The following IGF2BP3 variants were observed in gnomAD, a reference collection of about 807,000 sequenced individuals.
IGF2BP3 encodes the protein insulin like growth factor 2 mRNA binding protein 3, also known as insulin-like growth factor 2 mRNA-binding protein 3.
A neutral mutation model predicts 73.8 loss-of-function variants in IGF2BP3; 9 were observed. The observed-to-expected ratio is 0.12, with a 90% CI of 0.07 to 0.21. The LOEUF (loss-of-function observed/expected upper bound fraction) is 0.21. Among genes scored for constraint, IGF2BP3 ranks in the 10% least tolerant of loss-of-function variants. The probability of loss-of-function intolerance (pLI) is 1.00; values close to 1 mark genes in which losing one functional copy is unlikely to be tolerated. For missense variants in IGF2BP3, 542 were observed against 714.0 expected (o/e 0.76, Z 2.75); for synonymous variants, 258 against 256.7 (o/e 1.01, Z -0.05).
At chr7:23,456,876 C>T (rs972611451) in intron 2 of IGF2BP3, among the ~76,000 whole-genome samples, 1 of 152,008 alleles carries the variant, frequency 6.6e-6, no homozygotes, top group African/African-American at 2.4e-5. Flanking sequence ...ATGGTGAACC[C>T]CGTCTCTACT....
At chr7:23,321,052 T>C (rs1010060955) in intron 10 of IGF2BP3, among the ~76,000 whole-genome samples, 1 of 152,008 alleles carries the variant, frequency 6.6e-6, no homozygotes, top group African/African-American at 2.4e-5. Context: ...AGAAGATATT[T>C]TGTCGGGAGG....
In IGF2BP3 at chr7:23,418,315, G is replaced by A. The variant is rs145358602; in HGVS notation, c.285+461C>T. On this transcript the variant is annotated intron_variant, in intron 3 of 14. Transcript: ENST00000258729. ...AACTGCTGACACAGGCTATTCAATT[G>A]TGCTAAATAGTTTGTGTTTATGCAT... Among the ~76,000 whole-genome samples, 27 of 152,240 alleles carry A rather than the reference G, an allele frequency of 1.8e-4. No individual in the cohort carries two copies. In the East Asian group the frequency reaches 5.0e-3, roughly 28 times the overall value.
chr7:23,320,547 A>C (rs1784108798), intron 10 of IGF2BP3, among the ~76,000 whole-genome samples: 1 of 152,082 alleles, frequency 6.6e-6, no homozygotes, highest in African/African-American at 2.4e-5. Flanking sequence ...ATAGTGAGAA[A>C]AACACTTCCA....
intron 10 of IGF2BP3, among the ~76,000 whole-genome samples, chr7:23,322,343 A>G (rs1405804434): frequency 6.6e-6 from 1 of 152,240 alleles, no homozygotes; most frequent in Non-Finnish European, 1.5e-5. Context: ...GAAGTGAATG[A>G]AATGAAGCAA....
intron 3 of IGF2BP3, among the ~76,000 whole-genome samples, chr7:23,384,202 A>G (rs1416038080): frequency 6.6e-6 from 1 of 152,074 alleles, no homozygotes; most frequent in African/African-American, 2.4e-5. Context: ...AAAAGACCAC[A>G]TATTATATGA....
intron 10 of IGF2BP3, among the ~76,000 whole-genome samples, chr7:23,322,729 G>C (rs1304774618): frequency 1.3e-5 from 2 of 152,186 alleles, no homozygotes; most frequent in African/African-American, 4.8e-5. Context: ...TCTCTCAGCA[G>C]AAACTCTACA....
intron 3 of IGF2BP3, chr7:23,402,187 T>C (rs1413621456): frequency 6.6e-6 from 1 of 152,202 alleles, no homozygotes; most frequent in Admixed American, 6.5e-5. Flanking sequence ...CTCAGAGATA[T>C]TTTTAGACTT....
intron 10 of IGF2BP3, among the ~76,000 whole-genome samples, chr7:23,322,413 G>T (rs1784182204): frequency 2.0e-5 from 3 of 152,138 alleles, no homozygotes; most frequent in Admixed American, 2.0e-4. Context: ...AAGAAATATG[G>T]GACTATGTGA....
chr7:23,351,760 C>T (rs985395231), intron 5 of IGF2BP3, among the ~76,000 whole-genome samples, 174 bp from the exon 6 acceptor site: 3 of 152,068 alleles, frequency 2.0e-5, no homozygotes, highest in African/African-American at 7.2e-5. Flanking sequence ...TCCCACCCCG[C>T]ACCACCACCA....
At chr7:23,402,144 G>C (rs1308012863) in intron 3 of IGF2BP3, 2 of 152,014 alleles carry the variant, frequency 1.3e-5, no homozygotes, top group Non-Finnish European at 2.9e-5. Flanking sequence ...AAGAAATGCA[G>C]TCTAAGTCCA....
rs545228893 is a variant in IGF2BP3 at position 23,334,447 on chromosome 7, G to T, written c.1203+7617C>A. Among the ~76,000 whole-genome samples, 8 of 152,370 alleles carry T rather than the reference G, an allele frequency of 5.3e-5. No homozygotes were observed. In the East Asian group the frequency reaches 1.5e-3, roughly 29 times the overall value. Reference sequence around the variant, plus strand: ...TTTAAATTTTTACTTGCAAAACTCAGCAGGCAGAGCAAAAGTTATAAGCCT... The same window carrying T: ...TTTAAATTTTTACTTGCAAAACTCATCAGGCAGAGCAAAAGTTATAAGCCT... On this transcript the variant is annotated intron_variant, in intron 10 of 14. Coordinates refer to ENST00000258729, the MANE Select transcript of IGF2BP3 (RefSeq NM_006547.3).
At chr7:23,317,575 C>A in intron 12 of IGF2BP3, 64 bp downstream of exon 12, 1 of 1,229,494 alleles carries the variant, frequency 8.1e-7, no homozygotes, top group Non-Finnish European at 1.2e-6. Flanking sequence ...AAGGGAGACG[C>A]CAGGTTATGG....
intron 2 of IGF2BP3, among the ~76,000 whole-genome samples, chr7:23,439,096 A>T (rs1787870375): frequency 6.6e-6 from 1 of 152,082 alleles, no homozygotes; most frequent in African/African-American, 2.4e-5. Context: ...TTTTAAAACT[A>T]GCTGGGCACA....
intron 3 of IGF2BP3, among the ~76,000 whole-genome samples, chr7:23,415,877 C>T (rs190305740): frequency 4.6e-4 from 70 of 152,210 alleles, no homozygotes; most frequent in African/African-American, 9.4e-4. Context: ...GGTGAAATAC[C>T]GAGTATGTTA....
chr7:23,340,551 A>G (rs562047700), intron 10 of IGF2BP3, among the ~76,000 whole-genome samples: 2 of 152,194 alleles, frequency 1.3e-5, no homozygotes, highest in East Asian at 3.9e-4. Flanking sequence ...CCACCTGGAC[A>G]TTTCCCCAAA....
At chr7:23,365,265 A>G (rs1785341071) in intron 3 of IGF2BP3, among the ~76,000 whole-genome samples, 1 of 152,240 alleles carries the variant, frequency 6.6e-6, no homozygotes, top group Non-Finnish European at 1.5e-5. Flanking sequence ...GGGAGTAGGA[A>G]GTAATTGCCA....
chr7:23,343,865 AAAAGAAGGG>A lies in IGF2BP3; in HGVS notation c.942-21_942-13del. On this transcript the variant is annotated splice_polypyrimidine_tract_variant and intron_variant, in intron 8 of 14. Transcript: ENST00000258729. Reference sequence around the variant, plus strand: ...TCAATTCCTGCAATCTGCAGAATGAAAAAGAAGGGAAAGAAAAAGAATGAAAATTGGAGG... The same window carrying A: ...TCAATTCCTGCAATCTGCAGAATGAAAAAGAAAAAGAATGAAAATTGGAGG... The A allele has an allele frequency of 6.2e-7, 1 of 1,605,824 alleles. No individual in the cohort carries two copies. Among genetic ancestry groups the A allele is most frequent in the Non-Finnish European group, 8.5e-7 (1 of 1,178,062 alleles).
chr7:23,450,416 A>G (rs549937663), intron 2 of IGF2BP3, among the ~76,000 whole-genome samples: 2 of 152,324 alleles, frequency 1.3e-5, no homozygotes, highest in African/African-American at 4.8e-5. Context: ...ACTTCAGGTA[A>G]AACGATTTTC....
chr7:23,374,024 T>A (rs1284516459), intron 3 of IGF2BP3, among the ~76,000 whole-genome samples: 2 of 152,226 alleles, frequency 1.3e-5, no homozygotes, highest in Non-Finnish European at 2.9e-5. Context: ...GCCATGCTGG[T>A]ATAGCCTGAG....
Sources: allele counts gnomAD v4.1 joint callset (sites outside exome capture counted in the v4.1 genomes callset), GRCh38; gene constraint gnomAD v4.1.1; transcripts MANE v1.5; gene names NCBI Gene and HGNC (gene_info 2026-07-23, HGNC 2026-07-21).